SMARCAL1: variants seen among roughly 807,000 people sequenced by gnomAD.
SMARCAL1 encodes the protein ATP-driven annealing helicase.
A neutral mutation model predicts 94.5 loss-of-function variants in SMARCAL1; 58 were observed. That is an observed-to-expected ratio of 0.61 (90% CI 0.50 to 0.76). The LOEUF is 0.76. SMARCAL1 is among the 30% of genes least tolerant of loss of function. SMARCAL1 has a pLI of 0.00. For synonymous variants in SMARCAL1, 422 were observed against 455.1 expected (o/e 0.93, Z 0.93); for missense variants, 1,051 against 1,177.9 (o/e 0.89, Z 1.58).
intron 12 of SMARCAL1, among the ~76,000 whole-genome samples, chr2:216,462,333 G>T (rs971104529): frequency 6.6e-6 from 1 of 152,166 alleles, no homozygotes; most frequent in Admixed American, 6.5e-5. Context: ...GAAGATGGGG[G>T]CCAACTGGGG....
chr2:216,434,224 G>A lies in SMARCAL1; in HGVS notation c.1486-1114G>A, dbSNP rs150274828. 4.5e-3 allele frequency among the ~76,000 whole-genome samples: 684 copies of A among 152,222 alleles called. 8 individuals carry two copies. The highest frequency in any genetic ancestry group is 3.4e-3 in the Middle Eastern group (1 of 294). ...GTCAGCCAGACGGTGACCAGCCTGA[G>A]GTTAGAGAAAAGGCCAGCCCTCCCT... is the stretch of plus-strand genomic sequence containing the variant. On this transcript the variant is annotated intron_variant, in intron 8 of 17. Transcript: ENST00000357276.
rs1239064543 is a variant in SMARCAL1, at chr2:216,482,033, G to T, written c.2626-705G>T. On this transcript the variant is annotated intron_variant, in intron 17 of 17. Transcript: ENST00000357276. This position sits in a 1 kb window ranked among gnomAD's most constrained non-coding sequence, Gnocchi z 4.3. ...TATAGATGCAGTTGGTGGGTATTTTGATTATTTGTAATTTAAGGTAATCAG... is the reference window on the plus strand; with the variant it reads ...TATAGATGCAGTTGGTGGGTATTTTTATTATTTGTAATTTAAGGTAATCAG... Among the ~76,000 whole-genome samples, 1 of 152,176 alleles carries T rather than the reference G, an allele frequency of 6.6e-6. No individual in the cohort carries two copies. The highest frequency in any genetic ancestry group is 1.5e-5 in the Non-Finnish European group (1 of 68,036).
At chr2:216,456,065 G>T (rs1432532018) in intron 12 of SMARCAL1, among the ~76,000 whole-genome samples, 2 of 152,252 alleles carry the variant, frequency 1.3e-5, no homozygotes, top group African/African-American at 4.8e-5. Context: ...ATAAGCTTCA[G>T]TAGCCGATTT....
At chr2:216,474,332 G>T (rs1427598837) in intron 14 of SMARCAL1, among the ~76,000 whole-genome samples, 2 of 147,912 alleles carry the variant, frequency 1.4e-5, no homozygotes, top group African/African-American at 4.9e-5. Context: ...TAGAGGCGGG[G>T]TTCCGCCATG....
chr2:216,461,392 AAT>A (rs1014491464), intron 12 of SMARCAL1, among the ~76,000 whole-genome samples: 19 of 151,842 alleles, frequency 1.3e-4, no homozygotes, highest in Non-Finnish European at 2.4e-4. Flanking sequence ...TCTGCATATA[AAT>A]ATATATAAAA....
At chr2:216,427,683 A>T (rs1693865471) in intron 6 of SMARCAL1, among the ~76,000 whole-genome samples, 1 of 152,204 alleles carries the variant, frequency 6.6e-6, no homozygotes. Context: ...ACTGGTACTT[A>T]TATTTAGTGG....
At chr2:216,468,611 T>C (rs1039590929) in intron 14 of SMARCAL1, among the ~76,000 whole-genome samples, 3 of 152,248 alleles carry the variant, frequency 2.0e-5, no homozygotes, top group South Asian at 2.1e-4. Context: ...GCTCTTTGTC[T>C]TCCCTCATCG....
In SMARCAL1 at chr2:216,460,128, A is replaced by T. The variant is rs549565950; in HGVS notation, c.2071-4469A>T. Reference sequence around the variant, plus strand: ...CATCAGAGAAATGCAAATCAAAACCACAATGAGATACCATCTCACACCAGT... The same window carrying T: ...CATCAGAGAAATGCAAATCAAAACCTCAATGAGATACCATCTCACACCAGT... On this transcript the variant is annotated intron_variant, in intron 12 of 17. Transcript: ENST00000357276. 1.2e-3 allele frequency among the ~76,000 whole-genome samples: 184 copies of T among 152,328 alleles called. 1 individual carries two copies. Among genetic ancestry groups the T allele is most frequent in the African/African-American group, 4.3e-3 (177 of 41,580 alleles).
chr2:216,438,374 C>T lies in SMARCAL1; in HGVS notation c.1645-46C>T, dbSNP rs759289024. The T allele has an allele frequency of 1.2e-5, 18 of 1,524,034 alleles. No individual in the cohort carries two copies. In the Admixed American group the frequency reaches 2.7e-4, roughly 23 times the overall value. 94.4% of individuals were successfully genotyped at this position (1,524,034 alleles called of 1,614,324 possible). A position where few individuals can be genotyped will look rare whatever the true frequency, so the allele number is the denominator to read the frequency against. ...GCCTAAAGTGACCCATATTTCTGTC[C>T]ACTCAGGATTGGATCTTGTACACTT... is the stretch of plus-strand genomic sequence containing the variant. On this transcript the variant is annotated intron_variant, in intron 9 of 17. Transcript: ENST00000357276.
At chr2:216,423,291 G>A (rs942868184) in intron 5 of SMARCAL1, among the ~76,000 whole-genome samples, 2 of 152,180 alleles carry the variant, frequency 1.3e-5, no homozygotes, top group South Asian at 2.1e-4. Flanking sequence ...GGCTGAATGC[G>A]AATGCTGCAT....
chr2:216,473,354 C>G (rs1452031873), intron 14 of SMARCAL1, among the ~76,000 whole-genome samples: 7 of 149,960 alleles, frequency 4.7e-5, no homozygotes, highest in Admixed American at 2.7e-4. Context: ...AGTGTTCACT[C>G]CTTGGTTTTC....
At chr2:216,463,474 C>G (rs1032901821) in intron 12 of SMARCAL1, among the ~76,000 whole-genome samples, 1 of 152,106 alleles carries the variant, frequency 6.6e-6, no homozygotes, top group Non-Finnish European at 1.5e-5. Flanking sequence ...TGCCCCACTT[C>G]CCACCACCAC....
intron 14 of SMARCAL1, among the ~76,000 whole-genome samples, chr2:216,472,597 T>G (rs1379713845): frequency 6.6e-6 from 1 of 151,626 alleles, no homozygotes; most frequent in African/African-American, 2.4e-5. Context: ...GGGAAACTAT[T>G]AGCCACCTCT....
At chr2:216,435,627 T>C in intron 9 of SMARCAL1, 131 bp downstream of exon 9, 1 of 832,554 alleles carries the variant, frequency 1.2e-6, no homozygotes. Flanking sequence ...AATCACTGTC[T>C]TTATTTTGTG....
chr2:216,468,101 C>A, intron 14 of SMARCAL1, 55 bp downstream of exon 14: 1 of 1,256,734 alleles, frequency 8.0e-7, no homozygotes, highest in Non-Finnish European at 1.2e-6. Flanking sequence ...CCAAGTTGTT[C>A]TAAGCAGGCT....
chr2:216,461,740 G>A (rs1694711215), intron 12 of SMARCAL1, among the ~76,000 whole-genome samples: 1 of 152,022 alleles, frequency 6.6e-6, no homozygotes, highest in African/African-American at 2.4e-5. Context: ...AGGCTGAGGT[G>A]GGAAGATCAC....
rs929930544 is a variant in SMARCAL1 at position 216,482,998 on chromosome 2, T to TA, written c.*26dup. On this transcript the variant is annotated 3_prime_UTR_variant, in exon 18 of 18. Transcript: ENST00000357276. This position sits in a 1 kb window ranked among gnomAD's most constrained non-coding sequence, Gnocchi z 4.3. ...TGTAAAAGGGGCAAAAAGAAAAAAA[T>TA]AAAAAGCATTTTAAAATCATGGAAT... 6.2e-7 allele frequency: 1 copy of TA among 1,610,352 alleles called. No individual in the cohort carries two copies. The highest frequency in any genetic ancestry group is 2.2e-5 in the East Asian group (1 of 44,882).
rs539629128 is a variant in SMARCAL1 at position 216,458,767 on chromosome 2, T to G, written c.2071-5830T>G. Among the ~76,000 whole-genome samples the G allele has an allele frequency of 2.0e-4, 30 of 152,318 alleles. No individual in the cohort carries two copies. The East Asian group carries it at 4.8e-3, about 24-fold the overall frequency. ...AACTGGAAGCATTCCCTTTGAAAAC[T>G]GGCACAAGACAGGGATGCCCTCTCT... On this transcript the variant is annotated intron_variant, in intron 12 of 17. Transcript: ENST00000357276.
chr2:216,475,512 A>G lies in SMARCAL1; in HGVS notation c.2427+61A>G. 6.5e-7 allele frequency: 1 copy of G among 1,550,292 alleles called. No homozygotes were observed. The highest frequency in any genetic ancestry group is 2.2e-5 in the East Asian group (1 of 44,532). On this transcript the variant is annotated intron_variant, in intron 15 of 17. Coordinates refer to ENST00000357276, the MANE Select transcript of SMARCAL1 (RefSeq NM_014140.4). This position sits in a 1 kb window ranked among gnomAD's most constrained non-coding sequence, Gnocchi z 4.4. Reference sequence around the variant, plus strand: ...ATGCTCATGGCTGTGGGCAGGAAGCAGTGAGTGTCGGTCGGGGAAAGTGTG... The same window carrying G: ...ATGCTCATGGCTGTGGGCAGGAAGCGGTGAGTGTCGGTCGGGGAAAGTGTG...
Sources: gnomAD v4.1 joint callset for allele counts (sites outside exome capture counted in the v4.1 genomes callset) on GRCh38, gnomAD v4.1.1 for gene constraint, Gnocchi (gnomAD v3.1) non-coding constraint, MANE v1.5 for transcripts, NCBI Gene and HGNC (gene_info 2026-07-23, HGNC 2026-07-21) for gene names.